Variants in ECPAS observed in about 807,000 individuals in gnomAD.
The protein encoded by ECPAS is proteasome adapter and scaffold protein ECM29.
Under a neutral mutation model 255.1 loss-of-function variants are expected in ECPAS, and 70 were observed. That is an observed-to-expected ratio of 0.27 (90% CI 0.23 to 0.33). The LOEUF is 0.33. Ranked by LOEUF, ECPAS falls within the 10% of genes least tolerant of loss-of-function variation. ECPAS has a pLI of 1.00. For synonymous variants in ECPAS, 784 were observed against 775.0 expected, an observed-to-expected ratio of 1.01 and a Z score of -0.19; for missense variants, 1,817 against 2,206.4, an observed-to-expected ratio of 0.82 and a Z score of 3.54.
At position 111,394,258 on chromosome 9, in the gene ECPAS, T is replaced by C; in HGVS notation, c.2824A>G (p.Asn942Asp). The change falls in exon 26 of 50, where the codon AAT (asparagine) becomes GAT (aspartate). Residue 942 changes from asparagine to aspartate, a missense_variant. By Grantham distance (23) the Asn-to-Asp change is conservative (BLOSUM62 1). This residue lies in a region of ECPAS where 960 missense variants were observed against 1,179.0 expected (regional missense o/e 0.81). Coordinates refer to ENST00000684092, the MANE Select transcript of ECPAS (RefSeq NM_001364929.1). ...VVPWVLDVILNKHIISPNPHV... is the reference protein window; with the variant it reads ...VVPWVLDVILDKHIISPNPHV... ...GGGTTGGGGCTGATGATATGTTTAT[T>C]TAAAATCACATCCAACACCCATGGA... The C allele has an allele frequency of 6.2e-7, 1 of 1,603,550 alleles. No homozygotes were observed. The highest frequency in any genetic ancestry group is 8.5e-7 in the Non-Finnish European group (1 of 1,174,862).
intron 49 of ECPAS, among the ~76,000 whole-genome samples, chr9:111,362,730 G>A (rs1349710235): frequency 2.0e-5 from 3 of 152,094 alleles, no homozygotes; most frequent in African/African-American, 7.2e-5. Context: ...CTAGCAATGT[G>A]GCTTCAGGCA....
At chr9:111,386,350 C>T (rs1248823916) in intron 32 of ECPAS, 27 bp downstream of exon 32, 2 of 1,427,104 alleles carry the variant, frequency 1.4e-6, no homozygotes, top group South Asian at 2.4e-5. Flanking sequence ...TTTTATTTGA[C>T]TAAACTTATA....
intron 2 of ECPAS, among the ~76,000 whole-genome samples, chr9:111,453,665 A>C (rs2098263256): frequency 6.6e-6 from 1 of 152,186 alleles, no homozygotes; most frequent in Non-Finnish European, 1.5e-5. Context: ...TGTCGTGCAG[A>C]TATCACGTGT....
intron 2 of ECPAS, among the ~76,000 whole-genome samples, chr9:111,460,436 G>A (rs2098271818): frequency 6.6e-6 from 1 of 152,138 alleles, no homozygotes; most frequent in South Asian, 2.1e-4. Context: ...AGGTAAAGAT[G>A]TTCACTATTA....
intron 2 of ECPAS, among the ~76,000 whole-genome samples, chr9:111,469,136 C>G (rs2098283176): frequency 6.6e-6 from 1 of 152,146 alleles, no homozygotes; most frequent in African/African-American, 2.4e-5. Context: ...ATTTGGGAGG[C>G]TGAGGCAGGA....
At chr9:111,478,634 C>A (rs1222778638) in intron 1 of ECPAS, among the ~76,000 whole-genome samples, 2 of 152,140 alleles carry the variant, frequency 1.3e-5, no homozygotes, top group African/African-American at 2.4e-5. Context: ...CTGAAAGTTG[C>A]AGATTTCATT....
chr9:111,397,113 A>G lies in ECPAS; in HGVS notation c.2693T>C (p.Ile898Thr), dbSNP rs1410516773. 6.2e-7 allele frequency: 1 copy of G among 1,613,930 alleles called. No individual in the cohort carries two copies. The highest frequency in any genetic ancestry group is 8.5e-7 in the Non-Finnish European group (1 of 1,179,804). ...ACTAGTTCCTATTGCAGCACTGGTA[A>G]TGGCTTCGCCAATAGTGAACTGAAG... is the stretch of plus-strand genomic sequence containing the variant. ...IELQFTIGEA[I>T]TSAAIGTSSV... The change falls in exon 25 of 50, where the codon ATT (isoleucine) becomes ACT (threonine). Residue 898 changes from isoleucine (I) to threonine (T), a missense_variant. Physicochemically the swap from Ile to Thr is moderately conservative, Grantham distance 89 (BLOSUM62 -1). Coordinates refer to ENST00000684092, the MANE Select transcript of ECPAS (RefSeq NM_001364929.1).
rs529301594 is a variant in ECPAS at position 111,482,876 on chromosome 9, G to A, written c.-83+1240C>T. 2.7e-4 allele frequency among the ~76,000 whole-genome samples: 41 copies of A among 152,216 alleles called. 1 individual carries two copies. The highest frequency in any genetic ancestry group is 9.2e-4 in the Admixed American group (14 of 15,298). ...GTGACCACCGCTCTCCCCAGACAGG[G>A]ACCGCCGTCCCCGGGAAGGCTGCAC... On this transcript the variant is annotated intron_variant, in intron 1 of 49. Transcript: ENST00000684092.
At position 111,362,001 on chromosome 9, in the gene ECPAS, G is replaced by T; in HGVS notation, c.*29C>A. On this transcript the variant is annotated 3_prime_UTR_variant, in exon 50 of 50. Coordinates refer to ENST00000684092, the MANE Select transcript of ECPAS (RefSeq NM_001364929.1). ...CACCACTTCAACCCCCAATGAACAT[G>T]GCACTTGTTTGTTTCTTCCCCTTCT... 3 of 1,606,424 alleles carry T rather than the reference G, an allele frequency of 1.9e-6. No homozygotes were observed. The highest frequency in any genetic ancestry group is 2.6e-6 in the Non-Finnish European group (3 of 1,176,286).
chr9:111,422,224 G>T (rs2098215091), intron 13 of ECPAS, 24 bp from the exon 14 acceptor site: 14 of 1,596,284 alleles, frequency 8.8e-6, no homozygotes, highest in Admixed American at 3.4e-5. Flanking sequence ...TAAAAATATT[G>T]TTACTATCAT....
intron 48 of ECPAS, among the ~76,000 whole-genome samples, chr9:111,365,382 C>T (rs1488763721): frequency 6.6e-6 from 1 of 151,826 alleles, no homozygotes; most frequent in East Asian, 1.9e-4. Flanking sequence ...AAGAACATTA[C>T]TGGCTGGGTG....
Position 111,362,084 on chromosome 9 carries a change from A to C in ECPAS, c.5466T>G (p.Pro1822=). Residue 1822 remains proline, a synonymous_variant, in exon 50 of 50, where the codon CCT becomes CCG. Transcript: ENST00000684092. Reference sequence around the variant, plus strand: ...GTAACGCTGCTTTCTCCTGCAGTTCAGGTCTGCTGTCTGGCTCCATAGTAG... The same window carrying C: ...GTAACGCTGCTTTCTCCTGCAGTTCCGGTCTGCTGTCTGGCTCCATAGTAG... ...SLATMEPDSR[P]ELQEKAALLK... 1 of 1,612,626 alleles carries C rather than the reference A, an allele frequency of 6.2e-7. No individual in the cohort carries two copies. Among genetic ancestry groups the C allele is most frequent in the South Asian group, 1.1e-5 (1 of 90,966 alleles).
At position 111,386,432 on chromosome 9, in the gene ECPAS, G is replaced by C; in HGVS notation, c.3472C>G (p.Leu1158Val). ...GTAAGGTTCTTAACCAAATCTTGAA[G>C]AATTTCTTTCAAATATTTATCCACC... Reference protein sequence around the residue: ...SMVDKYLKEILQDLVKNLTSN... With the variant: ...SMVDKYLKEIVQDLVKNLTSN... The change falls in exon 32 of 50, where the codon CTT becomes GTT. Residue 1158 changes from leucine (L) to valine (V), a missense_variant. By Grantham distance (32) the Leu-to-Val change is conservative (BLOSUM62 1). Around this residue, in one of 4 missense-constraint regions of ECPAS, gnomAD observed 960 missense variants for 1,179.0 expected, o/e 0.81. Coordinates refer to ENST00000684092, the MANE Select transcript of ECPAS (RefSeq NM_001364929.1). 6.3e-7 allele frequency: 1 copy of C among 1,595,688 alleles called. No individual in the cohort carries two copies. The highest frequency in any genetic ancestry group is 8.6e-7 in the Non-Finnish European group (1 of 1,166,306).
At position 111,362,760 on chromosome 9, in the gene ECPAS, C is replaced by T. The variant is rs190910284; in HGVS notation, c.5381-591G>A. Among the ~76,000 whole-genome samples the T allele has an allele frequency of 4.6e-5, 7 of 152,254 alleles. No homozygotes were observed. In the East Asian group the frequency reaches 1.4e-3, roughly 29 times the overall value. On this transcript the variant is annotated intron_variant, in intron 49 of 49. Transcript: ENST00000684092. ...CAGGCAAGTTTAGCTTGCCTTCAGC[C>T]TTATTTTCCTCATCTGGACTATATT... is the stretch of plus-strand genomic sequence containing the variant.
intron 35 of ECPAS, among the ~76,000 whole-genome samples, chr9:111,380,027 C>G (rs1437702121): frequency 1.3e-5 from 2 of 152,232 alleles, no homozygotes; most frequent in African/African-American, 2.4e-5. Flanking sequence ...TTCTTAACAG[C>G]ACCTACAATG....
At chr9:111,385,688 T>C (rs1007615572) in intron 32 of ECPAS, among the ~76,000 whole-genome samples, 1 of 152,210 alleles carries the variant, frequency 6.6e-6, no homozygotes, top group African/African-American at 2.4e-5. Context: ...CGTTTTTTAT[T>C]CACCAGTGTG....
intron 18 of ECPAS, 52 bp from the exon 19 acceptor site, chr9:111,414,703 T>C: frequency 4.7e-6 from 7 of 1,482,606 alleles, no homozygotes; most frequent in Non-Finnish European, 6.5e-6. Flanking sequence ...AAAGTCAGTG[T>C]GGGAAGGTAC....
At chr9:111,382,468 A>G (rs1489030419) in intron 35 of ECPAS, among the ~76,000 whole-genome samples, 3 of 151,708 alleles carry the variant, frequency 2.0e-5, no homozygotes, top group Non-Finnish European at 4.4e-5. Context: ...GGGTTTCTCC[A>G]TGTTGGCCAG....
intron 2 of ECPAS, among the ~76,000 whole-genome samples, chr9:111,461,511 C>T (rs2098273134): frequency 6.6e-6 from 1 of 151,890 alleles, no homozygotes; most frequent in South Asian, 2.1e-4. Flanking sequence ...TAAAAGTATA[C>T]TATGCTAACA....
Sources: allele counts gnomAD v4.1 joint callset (sites outside exome capture counted in the v4.1 genomes callset), GRCh38; gene constraint gnomAD v4.1.1; regional missense constraint gnomAD v4.1.1; transcripts MANE v1.5; gene names NCBI Gene and HGNC (gene_info 2026-07-23, HGNC 2026-07-21).